The following EBF1 variants were observed in gnomAD, a reference collection of about 807,000 sequenced individuals.
EBF1 encodes the protein EBF transcription factor 1, also known as transcription factor COE1.
EBF1 carries 10 observed loss-of-function variants against 68.4 expected under a neutral mutation model. That is an observed-to-expected ratio of 0.15 (90% CI 0.09 to 0.25). The LOEUF (loss-of-function observed/expected upper bound fraction) is 0.25. Among genes scored for constraint, EBF1 ranks in the 10% least tolerant of loss-of-function variants. The pLI, the probability that EBF1 is intolerant of heterozygous loss-of-function variation, is 1.00. For missense variants in EBF1, 509 were observed against 794.4 expected (o/e 0.64, Z 4.32); for synonymous variants, 298 against 299.8 (o/e 0.99, Z 0.06).
At chr5:158,828,132 A>C (rs1378818551) in intron 7 of EBF1, among the ~76,000 whole-genome samples, 1 of 152,182 alleles carries the variant, frequency 6.6e-6, no homozygotes, top group Non-Finnish European at 1.5e-5. Flanking sequence ...TATTAACTTG[A>C]AGTACACTAA....
intron 6 of EBF1, among the ~76,000 whole-genome samples, chr5:159,063,163 A>T (rs1351709998): frequency 1.3e-5 from 2 of 152,188 alleles, no homozygotes; most frequent in Non-Finnish European, 2.9e-5. Context: ...CACTGTGCTC[A>T]ACGTAGTCAC....
chr5:158,893,414 C>G (rs897140268), intron 6 of EBF1, among the ~76,000 whole-genome samples: 5 of 152,140 alleles, frequency 3.3e-5, no homozygotes, highest in Non-Finnish European at 7.4e-5. Flanking sequence ...TTACATGTTT[C>G]TACTTAGTAA....
At chr5:158,938,638 G>A (rs1812588300) in intron 6 of EBF1, among the ~76,000 whole-genome samples, 1 of 152,210 alleles carries the variant, frequency 6.6e-6, no homozygotes, top group African/African-American at 2.4e-5. Context: ...GCAGAGGGCT[G>A]CCTTCTTGCT....
intron 4 of EBF1, among the ~76,000 whole-genome samples, chr5:159,092,943 C>T (rs1781921347): frequency 6.6e-6 from 1 of 152,096 alleles, no homozygotes; most frequent in African/African-American, 2.4e-5. Flanking sequence ...TCAAGACTTA[C>T]ATCTGATTTA....
intron 7 of EBF1, among the ~76,000 whole-genome samples, chr5:158,824,385 T>C (rs755026460): frequency 5.9e-5 from 9 of 152,216 alleles, no homozygotes; most frequent in Non-Finnish European, 1.0e-4. Context: ...CACCGATAGA[T>C]TGACATGCAG....
At position 159,099,391 on chromosome 5, in the gene EBF1, A is replaced by G. The variant is rs1205216823; in HGVS notation, c.88T>C (p.Trp30Arg). Residue 30 changes from tryptophan (W) to arginine (R), a missense_variant, in exon 1 of 16, where the codon TGG becomes CGG. By Grantham distance (101) the Trp-to-Arg change is moderately radical (BLOSUM62 -3). Coordinates refer to ENST00000313708, the MANE Select transcript of EBF1 (RefSeq NM_024007.5). ...LGSGMNAVRT[W>R]MQGAGVLDAN... ...TCCAGCACCCCGGCGCCCTGCATCC[A>G]CGTCCGCACCGCGTTCATGCCGCTG... 2 of 1,599,962 alleles carry G rather than the reference A, an allele frequency of 1.3e-6. No homozygotes were observed. The highest frequency in any genetic ancestry group is 1.1e-5 in the South Asian group (1 of 90,178).
intron 14 of EBF1, among the ~76,000 whole-genome samples, chr5:158,711,353 T>C (rs1357748210): frequency 6.6e-6 from 1 of 152,222 alleles, no homozygotes; most frequent in East Asian, 1.9e-4. Flanking sequence ...GTTACTATGT[T>C]ATACCACCAC....
intron 6 of EBF1, among the ~76,000 whole-genome samples, chr5:158,951,752 C>T (rs7705845): frequency 0.51 from 77,383 of 152,014 alleles, 20,458 homozygotes; most frequent in South Asian, 0.68. Flanking sequence ...GAAAAAAAGC[C>T]AGTCCTCTTC....
intron 8 of EBF1, among the ~76,000 whole-genome samples, chr5:158,822,259 C>CGGAT (rs1197459241): frequency 0.017 from 2,211 of 129,672 alleles, 21 homozygotes; most frequent in Non-Finnish European, 0.024. Flanking sequence ...CTTGGATGGA[C>CGGAT]GGATGGACGG....
intron 4 of EBF1, among the ~76,000 whole-genome samples, chr5:159,088,029 T>A (rs1046114018): frequency 1.3e-5 from 2 of 152,100 alleles, no homozygotes; most frequent in African/African-American, 4.8e-5. Flanking sequence ...AACTCCACCA[T>A]GGAGTAGGAC....
intron 8 of EBF1, among the ~76,000 whole-genome samples, chr5:158,815,198 G>A (rs974045229): frequency 6.6e-6 from 1 of 152,100 alleles, no homozygotes; most frequent in Non-Finnish European, 1.5e-5. Context: ...CCTCTCTTTA[G>A]CCTTGGTTTT....
intron 11 of EBF1, among the ~76,000 whole-genome samples, chr5:158,714,948 T>G (rs1379109576): frequency 6.6e-6 from 1 of 152,172 alleles, no homozygotes; most frequent in Non-Finnish European, 1.5e-5. Flanking sequence ...TAGGTGGACC[T>G]CCATATTTAG....
At chr5:158,731,206 G>T in intron 10 of EBF1, 49 bp from the exon 11 acceptor site, 3 of 1,561,400 alleles carry the variant, frequency 1.9e-6, no homozygotes, top group South Asian at 1.1e-5. Flanking sequence ...AAATAAAGCT[G>T]AACATGGCTT....
chr5:158,810,614 C>A (rs1343680837), intron 8 of EBF1, among the ~76,000 whole-genome samples: 1 of 152,140 alleles, frequency 6.6e-6, no homozygotes, highest in Non-Finnish European at 1.5e-5. Context: ...TGGGTTTGAA[C>A]AACTGGTATC....
At chr5:159,022,753 G>A (rs1266797558) in intron 6 of EBF1, among the ~76,000 whole-genome samples, 3 of 151,974 alleles carry the variant, frequency 2.0e-5, no homozygotes, top group African/African-American at 4.8e-5. Context: ...GCAATGCAAC[G>A]CCACTTGTTT....
intron 6 of EBF1, among the ~76,000 whole-genome samples, chr5:159,058,174 C>A (rs187894273): frequency 6.6e-6 from 1 of 152,308 alleles, no homozygotes; most frequent in East Asian, 1.9e-4. Context: ...TTAATCAGAC[C>A]TCAAGGAGGC....
intron 6 of EBF1, among the ~76,000 whole-genome samples, chr5:158,898,483 T>C (rs1453394901): frequency 6.6e-6 from 1 of 152,222 alleles, no homozygotes; most frequent in Non-Finnish European, 1.5e-5. Context: ...AACCTTAGAA[T>C]GGGATCTTTC....
At chr5:158,949,257 A>G (rs1318695462) in intron 6 of EBF1, among the ~76,000 whole-genome samples, 2 of 152,244 alleles carry the variant, frequency 1.3e-5, no homozygotes, top group Admixed American at 1.3e-4. Context: ...GCATTTGAGC[A>G]GATTTAATTT....
chr5:158,952,182 C>G (rs1170200172), intron 6 of EBF1, among the ~76,000 whole-genome samples: 1 of 151,956 alleles, frequency 6.6e-6, no homozygotes, highest in African/African-American at 2.4e-5. Flanking sequence ...GAGCTCCTTA[C>G]AGTAAATAGG....
Sources: allele counts gnomAD v4.1 joint callset (sites outside exome capture counted in the v4.1 genomes callset), GRCh38; gene constraint gnomAD v4.1.1; transcripts MANE v1.5; gene names NCBI Gene and HGNC (gene_info 2026-07-23, HGNC 2026-07-21).